The following IL25 variants were observed in gnomAD, a reference collection of about 807,000 sequenced individuals.
IL25 encodes interleukin-25.
A neutral mutation model predicts 13.2 loss-of-function variants in IL25; 10 were observed. The observed-to-expected ratio is 0.76, with a 90% CI of 0.47 to 1.29. The LOEUF is 1.29. Among genes scored for constraint, IL25 ranks in the 50% most tolerant of loss-of-function variants. The probability of loss-of-function intolerance (pLI) is 0.00; values close to 1 mark genes in which losing one functional copy is unlikely to be tolerated. For missense variants in IL25, 235 were observed against 232.4 expected (o/e 1.01, Z -0.07); for synonymous variants, 107 against 92.1 (o/e 1.16, Z -0.93).
chr14:23,376,288 C>T (rs561106296), exon 2 of IL25: 1 of 213,582 alleles, frequency 4.7e-6, no homozygotes, highest in Admixed American at 5.3e-5. Flanking sequence ...CAGTGAGCAT[C>T]TACTTTGGGT....
At chr14:23,376,081 C>T (rs189524544) in exon 2 of IL25, 42 of 660,734 alleles carry the variant, frequency 6.4e-5, no homozygotes, top group South Asian at 1.7e-4. Flanking sequence ...TGCTTAGGGC[C>T]GCCGGAAGCT....
Position 23,375,895 on chromosome 14 carries a change from G to A in IL25, c.*15G>A, listed in dbSNP as rs1363971622. Reference sequence around the variant, plus strand: ...TGATGGGCTAGCCGGACCTGCTGGAGGCTGGTCCCTTTTTGGGAAACCTGG... The same window carrying A: ...TGATGGGCTAGCCGGACCTGCTGGAAGCTGGTCCCTTTTTGGGAAACCTGG... On this transcript the variant is annotated 3_prime_UTR_variant, in exon 2 of 2. Transcript: ENST00000329715. 11 of 1,610,148 alleles carry A rather than the reference G, an allele frequency of 6.8e-6. No individual in the cohort carries two copies. In the South Asian group the frequency reaches 1.2e-4, roughly 18 times the overall value.
exon 1 of IL25, chr14:23,373,128 C>G (rs772921037): frequency 1.2e-6 from 2 of 1,613,868 alleles, no homozygotes; most frequent in Non-Finnish European, 1.7e-6. Flanking sequence ...GATGAGGGAG[C>G]GACCCAGATT....
Position 23,373,362 on chromosome 14 carries a change from C to G in IL25, c.244C>G (p.Leu82Val), listed in dbSNP as rs943969235. The G allele has an allele frequency of 4.3e-6, 7 of 1,613,430 alleles. No homozygotes were observed. The African/African-American group carries it at 9.3e-5, about 22-fold the overall frequency. The change falls in exon 1 of 2, where the codon CTC (leucine) becomes GTC (valine). Residue 82 changes from leucine (L) to valine (V), a missense_variant. Physicochemically the swap from Leu to Val is conservative, Grantham distance 32. Transcript: ENST00000329715. Reference sequence around the variant, plus strand: ...CTGTAGGGCCAGTGAAGATGGACCCCTCAACAGCAGGGCCATCTCCCCCTG... The same window carrying G: ...CTGTAGGGCCAGTGAAGATGGACCCGTCAACAGCAGGGCCATCTCCCCCTG...
chr14:23,375,525 C>T, intron 1 of IL25, 100 bp from the exon 3 acceptor site: 2 of 1,431,680 alleles, frequency 1.4e-6, no homozygotes, highest in African/African-American at 1.4e-5. Flanking sequence ...GAGGCCAAGG[C>T]CCCAGACGGA....
chr14:23,372,999 G>C (rs1890454099), exon 1 of IL25: 2 of 1,614,008 alleles, frequency 1.2e-6, no homozygotes, highest in East Asian at 4.5e-5. Context: ...GCTGCCTGAG[G>C]GCTGTGCTGA....
exon 1 of IL25, chr14:23,373,355 T>G: frequency 6.2e-7 from 1 of 1,613,880 alleles, no homozygotes; most frequent in Non-Finnish European, 8.5e-7. Flanking sequence ...CCAGTGAAGA[T>G]GGACCCCTCA....
intron 1 of IL25, among the ~76,000 whole-genome samples, chr14:23,375,301 T>C (rs1226212978): frequency 2.0e-5 from 3 of 152,100 alleles, no homozygotes; most frequent in Non-Finnish European, 4.4e-5. Context: ...ATCATTACAA[T>C]AAGAAACCTC....
intron 1 of IL25, among the ~76,000 whole-genome samples, chr14:23,373,782 G>A (rs1890474738): frequency 6.6e-6 from 1 of 152,134 alleles, no homozygotes; most frequent in African/African-American, 2.4e-5. Context: ...GCATGATACA[G>A]GCATGAAGCA....
At chr14:23,375,708 G>T in exon 2 of IL25, 3 of 1,614,182 alleles carry the variant, frequency 1.9e-6, no homozygotes, top group Non-Finnish European at 2.5e-6. Context: ...CTACAGACAG[G>T]CTCCCACATG....
At chr14:23,376,024 C>T in exon 2 of IL25, 2 of 1,144,702 alleles carry the variant, frequency 1.7e-6, no homozygotes, top group Non-Finnish European at 2.5e-6. Context: ...GGATGGGGGG[C>T]TTTGGGGAAA....
exon 2 of IL25, chr14:23,375,650 C>T (rs1385220246): frequency 3.1e-6 from 5 of 1,614,166 alleles, no homozygotes; most frequent in Non-Finnish European, 4.2e-6. Flanking sequence ...GAACCGGCTC[C>T]CCCAGGACCT....
At chr14:23,373,456 G>A (rs1890468511) in intron 1 of IL25, 60 bp downstream of exon 2, 6 of 1,440,936 alleles carry the variant, frequency 4.2e-6, no homozygotes, top group South Asian at 3.8e-5. Context: ...GTATGCGTGA[G>A]GGACCAGGGC....
At chr14:23,373,104 AG>A in exon 1 of IL25, 1 of 1,613,912 alleles carries the variant, frequency 6.2e-7, no homozygotes, top group Non-Finnish European at 8.5e-7. Context: ...CTGGGATCCC[AG>A]GGGGAGGGTG....
intron 1 of IL25, 126 bp from the exon 3 acceptor site, chr14:23,375,499 T>C (rs1367367055): frequency 2.5e-6 from 3 of 1,192,372 alleles, no homozygotes; most frequent in East Asian, 2.4e-5. Context: ...AGCAAGTGGG[T>C]TCAGAACTGA....
chr14:23,374,845 T>G (rs933686789), intron 1 of IL25, among the ~76,000 whole-genome samples: 1 of 151,976 alleles, frequency 6.6e-6, no homozygotes, highest in African/African-American at 2.4e-5. Context: ...GTGCAGGAAA[T>G]AGTTGAGGAT....
Position 23,375,847 on chromosome 14 carries a change from TTG to T in IL25, c.512_513del (p.Val171AlafsTer41), listed in dbSNP as rs764633332. The T allele has an allele frequency of 2.5e-6, 4 of 1,614,038 alleles. No individual in the cohort carries two copies. In the South Asian group the frequency reaches 4.4e-5, roughly 18 times the overall value. ...GCAGGCTGTACCGTGTTTCCTTAGCTTGTGTGTGTGTGCGGCCCCGTGTGATG... is the reference window on the plus strand; with the variant it reads ...GCAGGCTGTACCGTGTTTCCTTAGCTTGTGTGTGTGCGGCCCCGTGTGATG... On this transcript the variant is annotated frameshift_variant, in exon 2 of 2. Transcript: ENST00000329715. LOFTEE classifies it high-confidence loss of function.
At position 23,372,953 on chromosome 14, in the gene IL25, G is replaced by A. The variant is rs1173615693; in HGVS notation, c.-166G>A. On this transcript the variant is annotated 5_prime_UTR_variant, in exon 1 of 2. It adds an upstream start codon to the 5' untranslated region. Coordinates refer to ENST00000329715, the Ensembl canonical transcript of IL25. The stretch of plus-strand genomic sequence containing the variant: ...GTCAGTGCCCCACTTGTGACTGAGT[G>A]TGCAGTGCCCAGCATGTACCAGGTC... 2 of 1,613,364 alleles carry A rather than the reference G, an allele frequency of 1.2e-6. No individual in the cohort carries two copies. The highest frequency in any genetic ancestry group is 2.2e-5 in the East Asian group (1 of 44,880).
chr14:23,375,822 G>A (rs1463684200), exon 2 of IL25: 12 of 1,614,236 alleles, frequency 7.4e-6, no homozygotes, highest in East Asian at 6.7e-5. Context: ...TGCCTGGAGC[G>A]CAGGCTGTAC....
Sources: allele counts gnomAD v4.1 joint callset (sites outside exome capture counted in the v4.1 genomes callset), GRCh38; gene constraint gnomAD v4.1.1; transcripts MANE v1.5; gene names NCBI Gene and HGNC (gene_info 2026-07-23, HGNC 2026-07-21).